Variants in PTK2 observed in about 807,000 individuals in gnomAD.
PTK2 encodes focal adhesion kinase 1.
A neutral mutation model predicts 150.1 loss-of-function variants in PTK2; 45 were observed. The observed-to-expected ratio is 0.30, with a 90% CI of 0.24 to 0.38. The LOEUF (loss-of-function observed/expected upper bound fraction) is 0.38, where lower values mean the gene tolerates loss of function less well. Ranked by LOEUF, PTK2 falls within the 10% of genes least tolerant of loss-of-function variation. The pLI, the probability that PTK2 is intolerant of heterozygous loss-of-function variation, is 1.00. For synonymous variants in PTK2, 432 were observed against 449.2 expected (o/e 0.96, Z 0.48); for missense variants, 919 against 1,307.3 (o/e 0.70, Z 4.58).
At chr8:140,686,252 G>GGAGGAGGGTGA (rs898994165) in intron 27 of PTK2, among the ~76,000 whole-genome samples, 13 of 152,122 alleles carry the variant, frequency 8.5e-5, no homozygotes, top group African/African-American at 3.1e-4. Context: ...GTGGAGGGTG[G>GGAGGAGGGTGA]GAGGAGGGTG....
At chr8:140,861,609 A>G (rs542126347) in intron 5 of PTK2, among the ~76,000 whole-genome samples, 74 of 152,298 alleles carry the variant, frequency 4.9e-4, no homozygotes, top group African/African-American at 1.6e-3. Context: ...CTGTCTACAG[A>G]CTGAAATTCA....
intron 10 of PTK2, among the ~76,000 whole-genome samples, chr8:140,805,542 C>A (rs567370024): frequency 6.7e-6 from 1 of 148,572 alleles, no homozygotes; most frequent in Admixed American, 6.7e-5. Context: ...CAGAGCAAAA[C>A]TCTGTCTCAA....
At chr8:140,891,571 A>G (rs2100154262) in intron 2 of PTK2, among the ~76,000 whole-genome samples, 1 of 152,180 alleles carries the variant, frequency 6.6e-6, no homozygotes, top group Non-Finnish European at 1.5e-5. Flanking sequence ...GCATTTGCCA[A>G]TTCTGAGCCC....
chr8:140,897,384 A>T (rs1235532975), intron 2 of PTK2, among the ~76,000 whole-genome samples: 2 of 152,202 alleles, frequency 1.3e-5, no homozygotes, highest in Non-Finnish European at 2.9e-5. Flanking sequence ...AAAAAAAGGA[A>T]TGTTATTTTG....
intron 1 of PTK2, among the ~76,000 whole-genome samples, chr8:140,979,922 G>A (rs572562114): frequency 6.6e-6 from 1 of 152,130 alleles, no homozygotes; most frequent in African/African-American, 2.4e-5. Context: ...AAATTACCCA[G>A]TCTCGGATAT....
At chr8:140,911,336 A>G (rs966939168) in intron 2 of PTK2, among the ~76,000 whole-genome samples, 1 of 152,136 alleles carries the variant, frequency 6.6e-6, no homozygotes, top group African/African-American at 2.4e-5. Context: ...TCTGGTAATC[A>G]GGAAACCATG....
At chr8:140,884,661 T>A (rs915381097) in intron 3 of PTK2, among the ~76,000 whole-genome samples, 9 of 152,280 alleles carry the variant, frequency 5.9e-5, no homozygotes, top group African/African-American at 2.2e-4. Flanking sequence ...GAAAACTCCC[T>A]GAAGAATTCC....
intron 1 of PTK2, among the ~76,000 whole-genome samples, chr8:140,943,824 G>A (rs931048141): frequency 2.6e-5 from 4 of 152,002 alleles, no homozygotes; most frequent in African/African-American, 7.3e-5. Flanking sequence ...ATTTCCTAAC[G>A]ACTACTAATG....
intron 27 of PTK2, among the ~76,000 whole-genome samples, chr8:140,681,952 T>G (rs745627125): frequency 6.6e-6 from 1 of 152,226 alleles, no homozygotes; most frequent in African/African-American, 2.4e-5. Flanking sequence ...TCTCACAAGC[T>G]TAGCGTTCCA....
At chr8:140,772,032 G>A (rs1202548090) in intron 14 of PTK2, among the ~76,000 whole-genome samples, 1 of 151,592 alleles carries the variant, frequency 6.6e-6, no homozygotes, top group Non-Finnish European at 1.5e-5. Flanking sequence ...CAGGTGATCT[G>A]CGCACACTGG....
At chr8:140,969,137 G>A (rs2100186328) in intron 1 of PTK2, among the ~76,000 whole-genome samples, 3 of 152,160 alleles carry the variant, frequency 2.0e-5, no homozygotes, top group African/African-American at 7.2e-5. Flanking sequence ...GTGGATGAGG[G>A]AGGAATAGAA....
chr8:140,984,577 A>G (rs1325283927), intron 1 of PTK2, among the ~76,000 whole-genome samples: 2 of 152,158 alleles, frequency 1.3e-5, no homozygotes, highest in African/African-American at 2.4e-5. Flanking sequence ...CTCTATTTTG[A>G]GGTAGTTTCT....
chr8:140,668,512 G>C (rs952936248), intron 29 of PTK2, 88 bp from the exon 34 acceptor site: 1 of 1,389,608 alleles, frequency 7.2e-7, no homozygotes, highest in Admixed American at 2.3e-5. Flanking sequence ...CTTTACAAGA[G>C]ATCAAAGCAG....
chr8:140,764,082 T>C, intron 15 of PTK2, 152 bp downstream of exon 17: 3 of 750,884 alleles, frequency 4.0e-6, no homozygotes, highest in South Asian at 1.5e-5. Context: ...ATGTAAGTAA[T>C]ATAGAATGGT....
chr8:140,954,881 G>GT (rs1446595882), intron 1 of PTK2: 9 of 152,066 alleles, frequency 5.9e-5, no homozygotes, highest in Admixed American at 6.5e-5. Context: ...TATTTCACTA[G>GT]TTTTTTTCAA....
rs1012989148 is a variant in PTK2, at chr8:140,827,297, G to C, written c.648+3175C>G. 2.6e-5 allele frequency among the ~76,000 whole-genome samples: 4 copies of C among 151,948 alleles called. No individual in the cohort carries two copies. In the East Asian group the frequency reaches 7.7e-4, roughly 29 times the overall value. ...TGACCTCTGTTTCCTAGACAGCCTA[G>C]AAACAGAGAGGGCTCGCTGTTTCTA... On this transcript the variant is annotated intron_variant, in intron 8 of 31. Transcript: ENST00000522684.
intron 3 of PTK2, among the ~76,000 whole-genome samples, chr8:140,880,987 C>A (rs1384679957): frequency 1.3e-5 from 2 of 151,908 alleles, no homozygotes; most frequent in Non-Finnish European, 2.9e-5. Flanking sequence ...GAGAGAGGGA[C>A]AAAGGAAAGG....
intron 5 of PTK2, among the ~76,000 whole-genome samples, chr8:140,855,688 A>G (rs2154605120): frequency 6.6e-6 from 1 of 152,348 alleles, no homozygotes; most frequent in African/African-American, 2.4e-5. Flanking sequence ...ATAACATGAC[A>G]AAGGACTAGT....
chr8:140,893,004 T>C (rs577976991), intron 2 of PTK2, among the ~76,000 whole-genome samples: 1 of 152,308 alleles, frequency 6.6e-6, no homozygotes, highest in East Asian at 1.9e-4. Flanking sequence ...GGTAGACATA[T>C]GCCCAAAAGA....
Sources: allele counts gnomAD v4.1 joint callset (sites outside exome capture counted in the v4.1 genomes callset), GRCh38; gene constraint gnomAD v4.1.1; transcripts MANE v1.5; gene names NCBI Gene and HGNC (gene_info 2026-07-23, HGNC 2026-07-21).